The following TMEM182 variants were observed in gnomAD, a reference collection of about 807,000 sequenced individuals.
The protein encoded by TMEM182 is transmembrane protein 182.
A neutral mutation model predicts 26.8 loss-of-function variants in TMEM182; 20 were observed. The observed-to-expected ratio is 0.75, with a 90% confidence interval of 0.53 to 1.09. TMEM182 has a LOEUF of 1.09. Ranked by LOEUF, TMEM182 falls within the 50% of genes least tolerant of loss-of-function variation. The pLI is 0.00. For missense variants in TMEM182, 277 were observed against 275.5 expected, an observed-to-expected ratio of 1.01 and a Z score of -0.04; for synonymous variants, 109 against 102.2, an observed-to-expected ratio of 1.07 and a Z score of -0.40.
At chr2:102,772,464 G>A (rs1028127328) in intron 3 of TMEM182, among the ~76,000 whole-genome samples, 3 of 152,112 alleles carry the variant, frequency 2.0e-5, no homozygotes, top group Non-Finnish European at 4.4e-5. Context: ...ATGAACAGAC[G>A]AGGTTTGTTT....
intron 3 of TMEM182, among the ~76,000 whole-genome samples, chr2:102,826,301 C>CTTTT (rs375776814): frequency 1.3e-3 from 156 of 120,042 alleles, no homozygotes; most frequent in African/African-American, 4.5e-3. Flanking sequence ...CTGCAGCTGG[C>CTTTT]TTTTTTTTTT....
rs148527685 is a variant in TMEM182 at position 102,815,251 on chromosome 2, C to A, written c.*283C>A. 3.4e-6 allele frequency: 4 copies of A among 1,161,210 alleles called. No individual in the cohort carries two copies. The African/African-American group carries it at 4.8e-5, about 14-fold the overall frequency. 71.9% of individuals were successfully genotyped at this position (1,161,210 alleles called of 1,614,324 possible). A position where few individuals can be genotyped will look rare whatever the true frequency, so the allele number is the denominator to read the frequency against. The stretch of plus-strand genomic sequence containing the variant: ...AACATGTTAGAGTTCATGCAGGTCG[C>A]AAAGGCCTGATAATAGCTTAATACC... On this transcript the variant is annotated 3_prime_UTR_variant, in exon 5 of 5. Transcript: ENST00000412401.
At chr2:102,807,403 A>T (rs1167121496) in intron 4 of TMEM182, among the ~76,000 whole-genome samples, 4 of 152,364 alleles carry the variant, frequency 2.6e-5, no homozygotes, top group Middle Eastern at 3.4e-3. Flanking sequence ...AATGTGGACG[A>T]TTATGCATTA....
At chr2:102,768,631 G>A (rs1463198148) in intron 3 of TMEM182, among the ~76,000 whole-genome samples, 1 of 151,968 alleles carries the variant, frequency 6.6e-6, no homozygotes, top group Non-Finnish European at 1.5e-5. Context: ...AACCTGGGAG[G>A]CGGAGGTTGC....
chr2:102,777,917 TACA>T (rs1680991479), intron 3 of TMEM182, among the ~76,000 whole-genome samples: 1 of 152,004 alleles, frequency 6.6e-6, no homozygotes, highest in African/African-American at 2.4e-5. Context: ...AGATTTGTTT[TACA>T]GCTTGGGATA....
At chr2:102,775,743 C>T (rs1037002973) in intron 3 of TMEM182, among the ~76,000 whole-genome samples, 1 of 152,058 alleles carries the variant, frequency 6.6e-6, no homozygotes. Context: ...TATACACCAA[C>T]AACAGACAAA....
chr2:102,744,002 T>G lies in TMEM182; in HGVS notation c.-83+6989T>G, dbSNP rs541476177. 2.6e-5 allele frequency among the ~76,000 whole-genome samples: 4 copies of G among 152,284 alleles called. No homozygotes were observed. In the East Asian group the frequency reaches 5.8e-4, roughly 22 times the overall value. ...GATGTAGACAAATCCACGATTACAG[T>G]TGCAGACTTTAACACCTCTCTATCA... On this transcript the variant is annotated intron_variant, in intron 1 of 5. Transcript: ENST00000409173.
intron 3 of TMEM182, among the ~76,000 whole-genome samples, chr2:102,837,536 G>C (rs1378579307): frequency 6.6e-6 from 1 of 150,716 alleles, no homozygotes; most frequent in South Asian, 2.1e-4. Context: ...TCAGTGCTGT[G>C]GGGGGTTCGG....
intron 3 of TMEM182, among the ~76,000 whole-genome samples, chr2:102,770,267 G>A (rs1374188798): frequency 3.3e-5 from 5 of 152,166 alleles, no homozygotes; most frequent in African/African-American, 7.2e-5. Flanking sequence ...GAAGCAGGCA[G>A]GAAGGAATTG....
chr2:102,763,950 A>T lies in TMEM182; in HGVS notation c.233-379A>T, dbSNP rs564598713. 4.6e-5 allele frequency among the ~76,000 whole-genome samples: 7 copies of T among 152,352 alleles called. 1 individual carries two copies. Among genetic ancestry groups the T allele is most frequent in the Admixed American group, 4.6e-4 (7 of 15,302 alleles). On this transcript the variant is annotated intron_variant, in intron 2 of 4. Transcript: ENST00000412401. ...ATTTGAACTAATCAAGGTTAAACTT[A>T]AGTTTATTAGATTTTTAAAACAATT...
intron 3 of TMEM182, among the ~76,000 whole-genome samples, chr2:102,838,557 A>G (rs1329641525): frequency 3.9e-5 from 6 of 152,250 alleles, no homozygotes; most frequent in Middle Eastern, 3.4e-3. Context: ...GGTAATTCGC[A>G]GTGTGCATTG....
In TMEM182 at chr2:102,814,951, A is replaced by G; in HGVS notation, c.673A>G (p.Ile225Val). 1 of 1,613,930 alleles carries G rather than the reference A, an allele frequency of 6.2e-7. No homozygotes were observed. Among genetic ancestry groups the G allele is most frequent in the South Asian group, 1.1e-5 (1 of 91,078 alleles). ...GLLFLVVGWH[I>V]QIHH is the part of the protein sequence containing the mutation. ...ACTATTTCTGGTTGTTGGATGGCAT[A>G]TTCAGATACATCACTAAATCAACTG... Residue 225 changes from isoleucine (I) to valine (V), a missense_variant, in exon 5 of 5, where the codon ATT becomes GTT. Transcript: ENST00000412401.
At chr2:102,809,282 A>G (rs1682462286) in intron 4 of TMEM182, among the ~76,000 whole-genome samples, 1 of 152,212 alleles carries the variant, frequency 6.6e-6, no homozygotes, top group African/African-American at 2.4e-5. Context: ...TGCAGAAGGC[A>G]TTCCCAGTAT....
At chr2:102,834,480 C>T in intron 3 of TMEM182, 1 of 973,832 alleles carries the variant, frequency 1.0e-6, no homozygotes, top group Non-Finnish European at 1.2e-6. Context: ...TGGTCTCCAA[C>T]CCACTTTCAG....
intron 3 of TMEM182, among the ~76,000 whole-genome samples, chr2:102,842,396 C>G (rs1001834091): frequency 5.3e-5 from 8 of 152,190 alleles, no homozygotes; most frequent in South Asian, 4.1e-4. Context: ...CAATGTTGCA[C>G]TATCTTCTGT....
At chr2:102,788,350 C>A (rs1681485911) in intron 3 of TMEM182, among the ~76,000 whole-genome samples, 1 of 152,134 alleles carries the variant, frequency 6.6e-6, no homozygotes, top group Non-Finnish European at 1.5e-5. Flanking sequence ...GCCTCCCTTC[C>A]CTACTGAGGG....
At chr2:102,827,381 C>G (rs1558793368) in intron 3 of TMEM182, among the ~76,000 whole-genome samples, 1 of 152,196 alleles carries the variant, frequency 6.6e-6, no homozygotes, top group African/African-American at 2.4e-5. Flanking sequence ...TCTACATTTG[C>G]TTAAGAGCTT....
At chr2:102,752,924 T>C (rs1421507501) in intron 1 of TMEM182, among the ~76,000 whole-genome samples, 1 of 152,246 alleles carries the variant, frequency 6.6e-6, no homozygotes, top group Admixed American at 6.5e-5. Context: ...TCACACAGCT[T>C]CTGGCTTATG....
intron 3 of TMEM182, among the ~76,000 whole-genome samples, chr2:102,765,580 C>T (rs1034286084): frequency 7.9e-5 from 12 of 152,160 alleles, no homozygotes; most frequent in African/African-American, 2.2e-4. Context: ...CATCACAGAA[C>T]TCAACACATC....
Sources: allele counts gnomAD v4.1 joint callset (sites outside exome capture counted in the v4.1 genomes callset), GRCh38; gene constraint gnomAD v4.1.1; transcripts MANE v1.5; gene names NCBI Gene and HGNC (gene_info 2026-07-23, HGNC 2026-07-21).